The following SPOCK3 variants were observed in gnomAD, a reference collection of about 807,000 sequenced individuals.
SPOCK3 encodes testican-3.
Under a neutral mutation model 56.6 loss-of-function variants are expected in SPOCK3, and 30 were observed. The ratio of observed to expected loss-of-function variants is 0.53; its 90% confidence interval spans 0.40 to 0.72. SPOCK3 has a LOEUF of 0.72. Among genes scored for constraint, SPOCK3 ranks in the 30% least tolerant of loss-of-function variants. The pLI is 0.00. For synonymous variants in SPOCK3, 196 were observed against 183.3 expected (o/e 1.07, Z -0.56); for missense variants, 527 against 530.0 (o/e 0.99, Z 0.06).
intron 5 of SPOCK3, among the ~76,000 whole-genome samples, chr4:166,909,913 T>C (rs1737066695): frequency 6.6e-6 from 1 of 152,178 alleles, no homozygotes; most frequent in African/African-American, 2.4e-5. Flanking sequence ...AAATGACATT[T>C]ACAAGAAGGT....
chr4:167,061,829 C>T (rs887524161), intron 3 of SPOCK3, among the ~76,000 whole-genome samples: 2 of 151,842 alleles, frequency 1.3e-5, no homozygotes, highest in Non-Finnish European at 2.9e-5. Flanking sequence ...AAGTAAGATA[C>T]TTTTTAAATG....
intron 2 of SPOCK3, among the ~76,000 whole-genome samples, chr4:167,142,938 A>G (rs1189930426): frequency 6.6e-6 from 1 of 152,002 alleles, no homozygotes; most frequent in Non-Finnish European, 1.5e-5. Context: ...TGATAAAAGG[A>G]AGTCAATACA....
intron 4 of SPOCK3, among the ~76,000 whole-genome samples, chr4:166,915,165 T>A (rs1186664907): frequency 1.3e-5 from 2 of 152,132 alleles, no homozygotes; most frequent in Non-Finnish European, 2.9e-5. Context: ...AATATCACTA[T>A]TCATCATGGG....
At chr4:166,949,822 A>G (rs1742297120) in intron 4 of SPOCK3, among the ~76,000 whole-genome samples, 2 of 152,138 alleles carry the variant, frequency 1.3e-5, no homozygotes, top group Admixed American at 1.3e-4. Flanking sequence ...AGAATTTCAT[A>G]TCCAGCCAAA....
intron 2 of SPOCK3, among the ~76,000 whole-genome samples, chr4:167,156,946 T>C (rs1009053487): frequency 3.9e-5 from 6 of 152,156 alleles, no homozygotes; most frequent in African/African-American, 1.4e-4. Flanking sequence ...GTAATTTTTA[T>C]CAAATATCAT....
In SPOCK3 at chr4:166,981,504, G is replaced by A. The variant is rs115086146; in HGVS notation, c.350+18845C>T. On this transcript the variant is annotated intron_variant, in intron 4 of 10. Coordinates refer to ENST00000357545, the MANE Select transcript of SPOCK3 (RefSeq NM_001040159.2). ...CTCTACGTGGGTAGCTCCTTCTGTA[G>A]CTGGTAGTCCTGATGTTTGTGTGAG... Among the ~76,000 whole-genome samples the A allele has an allele frequency of 1.9e-3, 288 of 152,276 alleles. 1 individual carries two copies. The highest frequency in any genetic ancestry group is 6.8e-3 in the African/African-American group (283 of 41,568).
chr4:166,743,217 A>G (rs919924282), intron 8 of SPOCK3, among the ~76,000 whole-genome samples: 15 of 152,110 alleles, frequency 9.9e-5, no homozygotes, highest in African/African-American at 3.6e-4. Context: ...TGGCATTAGA[A>G]AATAGTAAAA....
intron 3 of SPOCK3, among the ~76,000 whole-genome samples, chr4:167,047,587 T>C (rs541547963): frequency 1.3e-5 from 2 of 152,328 alleles, no homozygotes; most frequent in East Asian, 1.9e-4. Context: ...CTTAACATTA[T>C]TGACCTAAAC....
intron 4 of SPOCK3, among the ~76,000 whole-genome samples, chr4:166,930,802 A>C (rs1401719990): frequency 6.6e-6 from 1 of 152,202 alleles, no homozygotes; most frequent in African/African-American, 2.4e-5. Context: ...ATTTTTAATA[A>C]GATTCCTAAT....
intron 2 of SPOCK3, among the ~76,000 whole-genome samples, chr4:167,103,237 G>T (rs984332058): frequency 2.0e-5 from 3 of 152,062 alleles, no homozygotes; most frequent in Non-Finnish European, 4.4e-5. Context: ...TAAGATTTTT[G>T]AGAAATGCTG....
At chr4:166,916,909 T>C (rs1737918665) in intron 4 of SPOCK3, among the ~76,000 whole-genome samples, 1 of 152,150 alleles carries the variant, frequency 6.6e-6, no homozygotes. Flanking sequence ...ATGTTATGAT[T>C]TTAGGATTTG....
Position 166,962,736 on chromosome 4 carries a change from C to T in SPOCK3, c.350+37613G>A, listed in dbSNP as rs79145384. 2.4e-4 allele frequency among the ~76,000 whole-genome samples: 37 copies of T among 152,138 alleles called. 1 individual carries two copies. In the East Asian group the frequency reaches 3.3e-3, roughly 14 times the overall value. ...CTACAAGGTCTCAGGGACAGAGAAG[C>T]CTAGGTAGCTGTTGAAAATGACTTA... On this transcript the variant is annotated intron_variant, in intron 4 of 10. Coordinates refer to ENST00000357545, the MANE Select transcript of SPOCK3 (RefSeq NM_001040159.2).
chr4:167,219,107 A>G (rs1267857395), intron 2 of SPOCK3, among the ~76,000 whole-genome samples: 1 of 152,168 alleles, frequency 6.6e-6, no homozygotes, highest in African/African-American at 2.4e-5. Context: ...ATGTTCTAGA[A>G]AAGTTTTGCC....
intron 2 of SPOCK3, among the ~76,000 whole-genome samples, chr4:167,104,608 A>T (rs904846433): frequency 1.3e-5 from 2 of 152,114 alleles, no homozygotes; most frequent in East Asian, 1.9e-4. Flanking sequence ...ACAACAAAGG[A>T]CAAATCTAAG....
chr4:166,965,348 GT>G (rs1194356118), intron 4 of SPOCK3, among the ~76,000 whole-genome samples: 2 of 147,642 alleles, frequency 1.4e-5, no homozygotes, highest in Admixed American at 6.7e-5. Flanking sequence ...TGCCTTTAGA[GT>G]TTTTGTAGTG....
At chr4:166,754,843 G>T in intron 7 of SPOCK3, 114 bp from the exon 8 acceptor site, 1 of 854,360 alleles carries the variant, frequency 1.2e-6, no homozygotes. Context: ...AATAGTTAGA[G>T]AAGTAGAGCA....
At chr4:167,054,060 G>A (rs542114823) in intron 3 of SPOCK3, among the ~76,000 whole-genome samples, 1 of 152,264 alleles carries the variant, frequency 6.6e-6, no homozygotes, top group South Asian at 2.1e-4. Flanking sequence ...GGAAAACCTA[G>A]AAAGCATATT....
At chr4:167,032,361 A>G (rs140863445) in intron 3 of SPOCK3, among the ~76,000 whole-genome samples, 1,680 of 152,082 alleles carry the variant, frequency 0.011, 35 homozygotes, top group African/African-American at 0.038. Context: ...GGCATAGCAA[A>G]CTGAGTATCA....
At chr4:166,865,686 A>ACATTCACAATTCT (rs1560948836) in intron 6 of SPOCK3, among the ~76,000 whole-genome samples, 1 of 152,092 alleles carries the variant, frequency 6.6e-6, no homozygotes, top group East Asian at 1.9e-4. Context: ...CACAATTGCT[A>ACATTCACAATTCT]CAAAGGGAAT....
Sources: allele counts gnomAD v4.1 joint callset (sites outside exome capture counted in the v4.1 genomes callset), GRCh38; gene constraint gnomAD v4.1.1; transcripts MANE v1.5; gene names NCBI Gene and HGNC (gene_info 2026-07-23, HGNC 2026-07-21).